STARD6: variants seen among roughly 807,000 people sequenced by gnomAD.
STARD6 encodes StAR related lipid transfer domain containing 6, also known as stAR-related lipid transfer protein 6.
A neutral mutation model predicts 22.3 loss-of-function variants in STARD6; 21 were observed. That is an observed-to-expected ratio of 0.94 (90% CI 0.67 to 1.35). STARD6 has a LOEUF of 1.35. Among genes scored for constraint, STARD6 ranks in the 40% most tolerant of loss-of-function variants. STARD6 has a pLI of 0.00. For synonymous variants in STARD6, 80 were observed against 88.1 expected, an observed-to-expected ratio of 0.91 and a Z score of 0.52; for missense variants, 269 against 266.9, an observed-to-expected ratio of 1.01 and a Z score of -0.05.
At chr18:54,334,225 G>C (rs1164017085) in intron 5 of STARD6, among the ~76,000 whole-genome samples, 5 of 152,068 alleles carry the variant, frequency 3.3e-5, no homozygotes, top group African/African-American at 9.7e-5. Flanking sequence ...TACCACCCTT[G>C]CACAAGCCAC....
intron 6 of STARD6, among the ~76,000 whole-genome samples, chr18:54,331,303 G>T (rs1787842): frequency 6.6e-6 from 1 of 151,954 alleles, no homozygotes; most frequent in South Asian, 2.1e-4. Context: ...CATCAAAACC[G>T]GCAGTTTCTA....
chr18:54,354,073 T>C lies in STARD6; in HGVS notation c.121A>G (p.Arg41Gly), dbSNP rs768229411. 7.0e-6 allele frequency: 11 copies of C among 1,569,338 alleles called. No individual in the cohort carries two copies. Among genetic ancestry groups the C allele is most frequent in the South Asian group, 1.2e-5 (1 of 81,402 alleles). ...KKITVSSKAS[R>G]KFHGNLYRVE... ...ACTCACAGATTTCCATGGAATTTTC[T>C]AGAAGCCTTACTGGAAACAGTTATC... Residue 41 changes from arginine to glycine, a missense_variant, in exon 4 of 8, where the codon AGA becomes GGA. Arg to Gly is a moderately radical substitution (Grantham distance 125). Transcript: ENST00000307844.
chr18:54,355,591 C>T (rs1457937893), intron 2 of STARD6, among the ~76,000 whole-genome samples: 1 of 152,132 alleles, frequency 6.6e-6, no homozygotes, highest in South Asian at 2.1e-4. Flanking sequence ...AGGGCCCTCA[C>T]CAGAACCTAA....
chr18:54,354,961 C>T lies in STARD6; in HGVS notation c.-4-384G>A, dbSNP rs147805401. On this transcript the variant is annotated intron_variant, in intron 2 of 7. Coordinates refer to ENST00000307844, the MANE Select transcript of STARD6 (RefSeq NM_139171.2). ...AAGGTTCTATCCAGTGCCTGGCATG[C>T]GATAGTCATTCAATAAATAATTTTA... is the stretch of plus-strand genomic sequence containing the variant. Among the ~76,000 whole-genome samples, 7 of 152,282 alleles carry T rather than the reference C, an allele frequency of 4.6e-5. No individual in the cohort carries two copies. In the East Asian group the frequency reaches 5.8e-4, roughly 13 times the overall value.
At chr18:54,348,867 A>C (rs2089064361) in intron 4 of STARD6, among the ~76,000 whole-genome samples, 1 of 152,160 alleles carries the variant, frequency 6.6e-6, no homozygotes, top group Non-Finnish European at 1.5e-5. Flanking sequence ...TATTAAGAAA[A>C]GGCATAAGTG....
At chr18:54,346,225 A>G (rs1357378412) in intron 4 of STARD6, among the ~76,000 whole-genome samples, 2 of 152,180 alleles carry the variant, frequency 1.3e-5, no homozygotes, top group Admixed American at 6.5e-5. Context: ...AACGATAAAA[A>G]GAAATTCAAT....
Position 54,354,545 on chromosome 18 carries a change from G to A in STARD6, c.29C>T (p.Thr10Ile). 6.2e-7 allele frequency: 1 copy of A among 1,613,042 alleles called. No individual in the cohort carries two copies. Among genetic ancestry groups the A allele is most frequent in the Non-Finnish European group, 8.5e-7 (1 of 1,179,504 alleles). ...ATTATAACCTAAAACTTCTTGGGCAGTTTGTTGGGCAATTGCCTTGAAGTC... is the reference window on the plus strand; with the variant it reads ...ATTATAACCTAAAACTTCTTGGGCAATTTGTTGGGCAATTGCCTTGAAGTC... MDFKAIAQQ[T>I]AQEVLGYNRD... The change falls in exon 3 of 8, where the codon ACT (threonine) becomes ATT (isoleucine). Residue 10 changes from threonine (T) to isoleucine (I), a missense_variant. Transcript: ENST00000307844.
At chr18:54,343,570 AG>A in intron 4 of STARD6, among the ~76,000 whole-genome samples, 1 of 46,918 alleles carries the variant, frequency 2.1e-5, no homozygotes, top group African/African-American at 1.3e-4. Context: ...CCGCCCGGCC[AG>A]CCGCCCCGTC....
At chr18:54,344,621 A>G (rs2089018401) in intron 4 of STARD6, among the ~76,000 whole-genome samples, 1 of 148,654 alleles carries the variant, frequency 6.7e-6, no homozygotes, top group Non-Finnish European at 1.5e-5. Flanking sequence ...ACTACACCCC[A>G]GTATCTCTTA....
At chr18:54,343,671 TG>T (rs1204541471) in intron 4 of STARD6, among the ~76,000 whole-genome samples, 3 of 17,270 alleles carry the variant, frequency 1.7e-4, no homozygotes, top group African/African-American at 4.6e-4. Context: ...GGGAGGGAGG[TG>T]GGGGGGTCGG....
chr18:54,344,074 G>A (rs1217204729), intron 4 of STARD6, among the ~76,000 whole-genome samples: 1 of 43,006 alleles, frequency 2.3e-5, no homozygotes, highest in Non-Finnish European at 3.9e-5. Context: ...TGGGAGGTGT[G>A]CCCAACAGCT....
At chr18:54,328,344 A>G (rs560581190) in intron 7 of STARD6, among the ~76,000 whole-genome samples, 2 of 152,192 alleles carry the variant, frequency 1.3e-5, no homozygotes, top group Non-Finnish European at 1.5e-5. Flanking sequence ...GCACACTTTA[A>G]GCTGTGTAAT....
intron 4 of STARD6, 103 bp from the exon 5 acceptor site, chr18:54,337,354 C>A: frequency 9.4e-7 from 1 of 1,064,380 alleles, no homozygotes. Context: ...TAGCAAACAG[C>A]AATGAAGAAA....
chr18:54,354,228 A>T (rs1235801655), intron 3 of STARD6, 125 bp from the exon 4 acceptor site: 3 of 645,314 alleles, frequency 4.6e-6, no homozygotes, highest in African/African-American at 1.9e-5. Context: ...ATATATATAT[A>T]TTTTTCAGAG....
chr18:54,355,137 C>T (rs2089132604), intron 2 of STARD6, among the ~76,000 whole-genome samples: 1 of 152,134 alleles, frequency 6.6e-6, no homozygotes, highest in Non-Finnish European at 1.5e-5. Context: ...TACCAGTCTT[C>T]TTCTTGTCCA....
intron 7 of STARD6, among the ~76,000 whole-genome samples, chr18:54,328,373 G>A (rs546306566): frequency 1.3e-5 from 2 of 152,170 alleles, no homozygotes; most frequent in Non-Finnish European, 2.9e-5. Context: ...TCTAGTCCAT[G>A]CCAGCAGTTG....
chr18:54,331,567 C>T (rs751320837), intron 6 of STARD6, among the ~76,000 whole-genome samples, 175 bp downstream of exon 6: 1 of 152,128 alleles, frequency 6.6e-6, no homozygotes, highest in Non-Finnish European at 1.5e-5. Flanking sequence ...ATATAAATGG[C>T]ACCTTCAGAG....
At chr18:54,326,419 C>A (rs2088826052) in intron 7 of STARD6, among the ~76,000 whole-genome samples, 1 of 151,470 alleles carries the variant, frequency 6.6e-6, no homozygotes, top group Non-Finnish European at 1.5e-5. Context: ...GCAAGCCCCG[C>A]CTCCCGGGTT....
chr18:54,340,461 C>T (rs2088959828), intron 4 of STARD6, among the ~76,000 whole-genome samples: 1 of 152,018 alleles, frequency 6.6e-6, no homozygotes, highest in African/African-American at 2.4e-5. Context: ...ACAAAACCTA[C>T]TTAATACAAA....
Sources: gnomAD v4.1 joint callset for allele counts (sites outside exome capture counted in the v4.1 genomes callset) on GRCh38, gnomAD v4.1.1 for gene constraint, MANE v1.5 for transcripts, NCBI Gene and HGNC (gene_info 2026-07-23, HGNC 2026-07-21) for gene names.